The following CATSPERE variants were observed in gnomAD, a reference collection of about 807,000 sequenced individuals.
CATSPERE encodes catsper channel auxiliary subunit epsilon.
Under a neutral mutation model 114.1 loss-of-function variants are expected in CATSPERE, and 93 were observed. The observed-to-expected ratio is 0.81, with a 90% CI of 0.69 to 0.97. The LOEUF (loss-of-function observed/expected upper bound fraction) is 0.97, where lower values mean the gene tolerates loss of function less well. CATSPERE is among the 50% of genes least tolerant of loss of function. The probability of loss-of-function intolerance (pLI) is 0.00; values close to 1 mark genes in which losing one functional copy is unlikely to be tolerated. For synonymous variants in CATSPERE, 341 were observed against 384.1 expected (o/e 0.89, Z 1.31); for missense variants, 1,058 against 1,131.6 (o/e 0.93, Z 0.93).
At chr1:244,455,505 T>C (rs915237677) in intron 1 of CATSPERE, among the ~76,000 whole-genome samples, 1 of 137,516 alleles carries the variant, frequency 7.3e-6, no homozygotes, top group Non-Finnish European at 1.6e-5. Context: ...TTTTTAAGGG[T>C]TTTTTTTTTT....
chr1:244,536,881 TGACTTTTGTATG>T lies in CATSPERE; in HGVS notation c.537-15434_537-15423del, dbSNP rs540123760. 6.9e-3 allele frequency among the ~76,000 whole-genome samples: 1,046 copies of T among 152,294 alleles called. 9 individuals are homozygous for T. Among genetic ancestry groups the T allele is most frequent in the Middle Eastern group, 0.02 (6 of 294 alleles). On this transcript the variant is annotated intron_variant, in intron 8 of 21. Transcript: ENST00000366534. ...AACTAGTTTTTTAAAGCATGTGAAT[TGACTTTTGTATG>T]GACTTTGTATCCTGCAGGTATAATT...
intron 14 of CATSPERE, among the ~76,000 whole-genome samples, chr1:244,589,216 C>T (rs1282902465): frequency 6.6e-6 from 1 of 152,156 alleles, no homozygotes; most frequent in East Asian, 1.9e-4. Flanking sequence ...TCCTTTCCTT[C>T]AGTTAGGAGT....
intron 8 of CATSPERE, among the ~76,000 whole-genome samples, chr1:244,522,759 C>T (rs1168731073): frequency 6.6e-6 from 1 of 152,156 alleles, no homozygotes; most frequent in Non-Finnish European, 1.5e-5. Flanking sequence ...TTCCTCGACA[C>T]ATACACTCTC....
chr1:244,582,671 G>A (rs1183225094), intron 12 of CATSPERE, among the ~76,000 whole-genome samples: 1 of 151,934 alleles, frequency 6.6e-6, no homozygotes, highest in Non-Finnish European at 1.5e-5. Context: ...CAGAGTGCTG[G>A]GATTACAGGC....
chr1:244,516,915 CTG>C (rs1324087380), intron 7 of CATSPERE, among the ~76,000 whole-genome samples: 1 of 152,044 alleles, frequency 6.6e-6, no homozygotes, highest in Non-Finnish European at 1.5e-5. Flanking sequence ...ATGGAAAAGA[CTG>C]TGTCTCTGAT....
At chr1:244,565,000 G>C (rs1663210186) in intron 10 of CATSPERE, among the ~76,000 whole-genome samples, 1 of 152,156 alleles carries the variant, frequency 6.6e-6, no homozygotes, top group Admixed American at 6.5e-5. Context: ...CATCTATTGA[G>C]ACAAACATGT....
chr1:244,519,598 G>T (rs60826652), intron 8 of CATSPERE, among the ~76,000 whole-genome samples: 18,503 of 152,138 alleles, frequency 0.12, 1,892 homozygotes, highest in African/African-American at 0.28. Flanking sequence ...TGGAATGAGT[G>T]TGGGTGTGAA....
At chr1:244,516,604 C>T (rs1008966759) in intron 7 of CATSPERE, among the ~76,000 whole-genome samples, 4 of 152,102 alleles carry the variant, frequency 2.6e-5, no homozygotes, top group Non-Finnish European at 5.9e-5. Context: ...TCACTGCAAC[C>T]TCCACCTCCT....
At chr1:244,493,730 C>T (rs1308755536) in intron 6 of CATSPERE, among the ~76,000 whole-genome samples, 1 of 152,180 alleles carries the variant, frequency 6.6e-6, no homozygotes. Flanking sequence ...CCAGAATCTA[C>T]AATGAACTCA....
At chr1:244,636,068 G>C (rs1573131983) in intron 21 of CATSPERE, among the ~76,000 whole-genome samples, 1 of 152,302 alleles carries the variant, frequency 6.6e-6, no homozygotes, top group East Asian at 1.9e-4. Flanking sequence ...GGTAGGGATT[G>C]GGAGGTGACA....
chr1:244,486,921 G>A (rs1384699974), intron 5 of CATSPERE, among the ~76,000 whole-genome samples: 8 of 121,670 alleles, frequency 6.6e-5, no homozygotes, highest in African/African-American at 9.6e-5. Flanking sequence ...TGGGCCAGGT[G>A]TAGACCCTCG....
chr1:244,458,492 C>T (rs563270287), upstream of CATSPERE, among the ~76,000 whole-genome samples: 19 of 151,918 alleles, frequency 1.3e-4, no homozygotes, highest in Non-Finnish European at 2.1e-4. Flanking sequence ...GAGTGCAGGT[C>T]TCAGATAACT....
chr1:244,626,400 G>A lies in CATSPERE; in HGVS notation c.2648+8714G>A, dbSNP rs531942979. ...CCTGGGAGGCTGAGGCAGGAGACTC[G>A]CTTGAACCCAGGAGGTGGAGGTTGC... is the stretch of plus-strand genomic sequence containing the variant. On this transcript the variant is annotated intron_variant, in intron 20 of 21. Coordinates refer to ENST00000366534, the MANE Select transcript of CATSPERE (RefSeq NM_001130957.2). Among the ~76,000 whole-genome samples, 54 of 147,732 alleles carry A rather than the reference G, an allele frequency of 3.7e-4. No individual in the cohort carries two copies. The Middle Eastern group carries it at 0.018, about 50-fold the overall frequency.
intron 7 of CATSPERE, among the ~76,000 whole-genome samples, chr1:244,517,511 C>T (rs564004816): frequency 1.1e-4 from 16 of 152,056 alleles, no homozygotes; most frequent in East Asian, 5.8e-4. Flanking sequence ...GTGGCTCATG[C>T]GTGTAATCCC....
intron 8 of CATSPERE, among the ~76,000 whole-genome samples, chr1:244,532,165 T>C (rs1223710723): frequency 6.6e-6 from 1 of 152,106 alleles, no homozygotes; most frequent in East Asian, 1.9e-4. Flanking sequence ...GTGGCATTGG[T>C]AGTCTTCTTT....
intron 7 of CATSPERE, among the ~76,000 whole-genome samples, chr1:244,502,154 T>G (rs572159508): frequency 1.3e-5 from 2 of 152,278 alleles, no homozygotes; most frequent in East Asian, 3.9e-4. Context: ...TCATCCACAA[T>G]GATGAAATGA....
At chr1:244,508,700 A>G (rs1367463902) in intron 7 of CATSPERE, among the ~76,000 whole-genome samples, 2 of 151,158 alleles carry the variant, frequency 1.3e-5, no homozygotes, top group Admixed American at 1.3e-4. Context: ...AGGTTTTTCT[A>G]TATATAAGAT....
upstream of CATSPERE, chr1:244,451,796 G>C: frequency 6.3e-7 from 1 of 1,592,044 alleles, no homozygotes; most frequent in South Asian, 1.1e-5. The surrounding 1 kb of genome is among the most constrained non-coding windows in gnomAD (Gnocchi z 6.6). Context: ...GATGCCGCCG[G>C]GTAGGTCTCG....
rs1675176879 is a variant in CATSPERE at position 244,640,069 on chromosome 1, TAAG to T, written c.2850_2852del (p.Lys950del). 1.3e-6 allele frequency: 2 copies of T among 1,548,332 alleles called. No homozygotes were observed. The highest frequency in any genetic ancestry group is 1.4e-5 in the African/African-American group (1 of 72,970). ...CACTTCACAAACCTCAAAGAAAACG[TAAG>T]AAGAATTAGGAAAACTGAAAGTTTG... On this transcript the variant is annotated inframe_deletion, in exon 22 of 22. Transcript: ENST00000366534.
Sources: allele counts gnomAD v4.1 joint callset (sites outside exome capture counted in the v4.1 genomes callset), GRCh38; gene constraint gnomAD v4.1.1; non-coding constraint Gnocchi (gnomAD v3.1); transcripts MANE v1.5; gene names NCBI Gene and HGNC (gene_info 2026-07-23, HGNC 2026-07-21).